The following TRIM37 variants were observed in gnomAD, a reference collection of about 807,000 sequenced individuals.
TRIM37 encodes tripartite motif containing 37.
A neutral mutation model predicts 129.8 loss-of-function variants in TRIM37; 80 were observed. That is an observed-to-expected ratio of 0.62 (90% CI 0.51 to 0.74). TRIM37 has a LOEUF of 0.74. Among genes scored for constraint, TRIM37 ranks in the 30% least tolerant of loss-of-function variants. The probability of loss-of-function intolerance (pLI) is 0.00; values close to 1 mark genes in which losing one functional copy is unlikely to be tolerated. For synonymous variants in TRIM37, 389 were observed against 387.1 expected (o/e 1.00, Z -0.06); for missense variants, 1,054 against 1,176.5 (o/e 0.90, Z 1.52).
At chr17:58,993,756 A>G (rs2032690945), downstream of TRIM37, among the ~76,000 whole-genome samples, 1 of 152,138 alleles carries the variant, frequency 6.6e-6, no homozygotes, top group Non-Finnish European at 1.5e-5. Flanking sequence ...TGTATGCCAG[A>G]AAGACTGAAT....
intron 11 of TRIM37, among the ~76,000 whole-genome samples, chr17:59,061,823 T>C (rs1422060858): frequency 6.6e-6 from 1 of 152,086 alleles, no homozygotes; most frequent in East Asian, 1.9e-4. Flanking sequence ...CAGTGTCTAC[T>C]GGGATATGAC....
intron 2 of TRIM37, among the ~76,000 whole-genome samples, chr17:59,091,584 A>AT (rs1196119324): frequency 8.0e-6 from 1 of 124,360 alleles, no homozygotes; most frequent in Admixed American, 9.4e-5. Flanking sequence ...TATAATGTAT[A>AT]ATATATTATA....
chr17:59,023,597 G>C (rs2036873301), intron 19 of TRIM37, among the ~76,000 whole-genome samples: 1 of 152,030 alleles, frequency 6.6e-6, no homozygotes, highest in Non-Finnish European at 1.5e-5. Context: ...GGAGCTTGCA[G>C]TAAGCCGAGA....
Position 59,081,964 on chromosome 17 carries a change from A to AT in TRIM37, c.370-746_370-745insA, listed in dbSNP as rs1555688977. On this transcript the variant is annotated intron_variant, in intron 5 of 23. Transcript: ENST00000262294. ...AAAAAAAAAAAAAATAAAAAAAAAA[A>AT]AATAATAATAATAATAATAATAATG... is the stretch of plus-strand genomic sequence containing the variant. Among the ~76,000 whole-genome samples, 198 of 87,150 alleles carry AT rather than the reference A, an allele frequency of 2.3e-3. 2 individuals carry two copies. The highest frequency in any genetic ancestry group is 6.1e-3 in the African/African-American group (120 of 19,708). 57.2% of individuals were successfully genotyped at this position (87,150 alleles called of 152,430 possible).
At chr17:59,010,437 A>G (rs1013072207) in intron 22 of TRIM37, among the ~76,000 whole-genome samples, 2 of 152,344 alleles carry the variant, frequency 1.3e-5, no homozygotes, top group South Asian at 4.1e-4. Flanking sequence ...ACTGGCATCA[A>G]ATGCAACATC....
intron 18 of TRIM37, among the ~76,000 whole-genome samples, chr17:59,029,968 GA>G (rs1370262211): frequency 1.4e-5 from 2 of 148,090 alleles, no homozygotes. Flanking sequence ...TCATCTTCCT[GA>G]CACTCAGTAA....
intron 19 of TRIM37, among the ~76,000 whole-genome samples, chr17:59,026,997 C>T (rs2037320727): frequency 6.6e-6 from 1 of 152,158 alleles, no homozygotes; most frequent in Admixed American, 6.6e-5. Flanking sequence ...TGTTTAAGTG[C>T]CACAGAGTCA....
chr17:59,062,701 G>C lies in TRIM37; in HGVS notation c.861-53C>G, dbSNP rs542600393. ...CCAAGATCAAAACTGTTGTGAAATGGCAACAGGCAAAAAGAAAGACCAACC... is the reference window on the plus strand; with the variant it reads ...CCAAGATCAAAACTGTTGTGAAATGCCAACAGGCAAAAAGAAAGACCAACC... On this transcript the variant is annotated intron_variant, in intron 10 of 23. Transcript: ENST00000262294. The C allele has an allele frequency of 1.7e-5, 25 of 1,463,830 alleles. No homozygotes were observed. The African/African-American group carries it at 2.4e-4, about 14-fold the overall frequency. The allele number at this position is 1,463,830 out of a possible 1,614,324, so 90.7% of individuals were successfully genotyped here.
At chr17:59,104,257 A>C in intron 2 of TRIM37, 36 bp downstream of exon 2, 1 of 1,550,558 alleles carries the variant, frequency 6.4e-7, no homozygotes, top group Non-Finnish European at 8.9e-7. Context: ...TATATACTAT[A>C]TATACTAACT....
chr17:58,989,645 T>A (rs1430804232), intron 24 of TRIM37, among the ~76,000 whole-genome samples: 1 of 151,624 alleles, frequency 6.6e-6, no homozygotes. Context: ...AATCAGTACA[T>A]CTTGAAGATA....
chr17:59,081,243 G>C (rs374056192), intron 5 of TRIM37, 24 bp from the exon 6 acceptor site: 5 of 1,607,934 alleles, frequency 3.1e-6, no homozygotes, highest in Non-Finnish European at 4.2e-6. Context: ...AGTAGCTTTA[G>C]AACACTTTCA....
At chr17:58,990,178 CAAAAAAAAAA>C (rs35076409) in intron 24 of TRIM37, among the ~76,000 whole-genome samples, 47 of 25,590 alleles carry the variant, frequency 1.8e-3, no homozygotes, top group Non-Finnish European at 2.0e-3. Flanking sequence ...GACCTTGTCT[CAAAAAAAAAA>C]AAAAAAAAAA....
At position 59,106,545 on chromosome 17, in the gene TRIM37, C is replaced by A; in HGVS notation, c.-84G>T. On this transcript the variant is annotated 5_prime_UTR_variant, in exon 1 of 24. Coordinates refer to ENST00000262294, the MANE Select transcript of TRIM37 (RefSeq NM_015294.6). ...AGGCGCCGGCCCGAGGTCGCCAGAT[C>A]AAATCGCCGATAAAAGCCCGGCGCC... 6.4e-7 allele frequency: 1 copy of A among 1,557,194 alleles called. No individual in the cohort carries two copies. Among genetic ancestry groups the A allele is most frequent in the South Asian group, 1.1e-5 (1 of 87,580 alleles).
chr17:59,074,932 GCTAT>G (rs2042677045), intron 8 of TRIM37, among the ~76,000 whole-genome samples: 1 of 152,124 alleles, frequency 6.6e-6, no homozygotes, highest in Non-Finnish European at 1.5e-5. Context: ...AATGATGCCT[GCTAT>G]CTATTTAGGA....
chr17:58,994,378 C>T (rs530204218), downstream of TRIM37, among the ~76,000 whole-genome samples: 155 of 152,276 alleles, frequency 1.0e-3, 1 homozygote, highest in African/African-American at 3.7e-3. Context: ...CAATAATTTA[C>T]ATAGCATTTA....
downstream of TRIM37, chr17:58,980,924 C>T (rs1159529040): frequency 5.0e-6 from 8 of 1,613,994 alleles, no homozygotes; most frequent in Admixed American, 1.3e-4. The surrounding 1 kb of genome is among the most constrained non-coding windows in gnomAD (Gnocchi z 4.7). Flanking sequence ...AAGTTCTCTG[C>T]CATGGAGGCA....
In TRIM37 at chr17:58,998,464, A is replaced by G. The variant is rs532079099; in HGVS notation, c.*913T>C. ...AGGAGCACAATGGCAAAGTTTGGCA[A>G]CTGTTTTGGGCTAATTATGAGTATG... On this transcript the variant is annotated 3_prime_UTR_variant, in exon 24 of 24. Transcript: ENST00000262294. 5 of 985,456 alleles carry G rather than the reference A, an allele frequency of 5.1e-6. No homozygotes were observed. In the Admixed American group the frequency reaches 3.1e-4, roughly 61 times the overall value. The allele number at this position is 985,456 out of a possible 1,614,324, so 61.0% of individuals were successfully genotyped here.
downstream of TRIM37, chr17:58,979,958 A>T: frequency 6.3e-7 from 1 of 1,599,460 alleles, no homozygotes; most frequent in Non-Finnish European, 8.5e-7. Flanking sequence ...ATGCCCCTAC[A>T]CTCTGCTTCC....
intron 17 of TRIM37, among the ~76,000 whole-genome samples, chr17:59,038,731 T>G (rs1169732028): frequency 6.6e-6 from 1 of 152,160 alleles, no homozygotes; most frequent in African/African-American, 2.4e-5. Flanking sequence ...GGCTGAAAAG[T>G]TAGTCAGTCA....
Sources: allele counts gnomAD v4.1 joint callset (sites outside exome capture counted in the v4.1 genomes callset), GRCh38; gene constraint gnomAD v4.1.1; non-coding constraint Gnocchi (gnomAD v3.1); transcripts MANE v1.5; gene names NCBI Gene and HGNC (gene_info 2026-07-23, HGNC 2026-07-21).